RANBP17: variants seen among roughly 807,000 people sequenced by gnomAD.
RANBP17 encodes the protein RAN binding protein 17.
RANBP17 carries 158 observed loss-of-function variants against 141.2 expected under a neutral mutation model. The observed-to-expected ratio is 1.12, with a 90% CI of 0.98 to 1.28. RANBP17 has a LOEUF of 1.28. Ranked by LOEUF, RANBP17 falls within the 50% of genes most tolerant of loss-of-function variation. RANBP17 has a pLI of 0.00. For missense variants in RANBP17, 1,438 were observed against 1,290.7 expected, an observed-to-expected ratio of 1.11 and a Z score of -1.75; for synonymous variants, 430 against 450.0, an observed-to-expected ratio of 0.96 and a Z score of 0.56.
rs1581206650 is a variant in RANBP17 at position 171,299,516 on chromosome 5, G to A, written c.*658G>A. 1 of 232,164 alleles carries A rather than the reference G, an allele frequency of 4.3e-6. No individual in the cohort carries two copies. The highest frequency in any genetic ancestry group is 8.5e-6 in the Non-Finnish European group (1 of 117,152). The allele number at this position is 232,164 out of a possible 1,614,324, so 14.4% of individuals were successfully genotyped here. ...TGGTTCAGTCTAGAAGAATTAAGCT[G>A]TGCAATTACTGCCTGCAGAGATATT... On this transcript the variant is annotated 3_prime_UTR_variant, in exon 28 of 28. Coordinates refer to ENST00000523189, the MANE Select transcript of RANBP17 (RefSeq NM_022897.5).
chr5:170,964,694 A>G (rs1351836054), intron 13 of RANBP17, among the ~76,000 whole-genome samples: 1 of 152,100 alleles, frequency 6.6e-6, no homozygotes. Flanking sequence ...GATGATTTCC[A>G]ATTTCATCCA....
intron 14 of RANBP17, among the ~76,000 whole-genome samples, chr5:171,142,392 A>G (rs904591882): frequency 6.6e-6 from 1 of 152,236 alleles, no homozygotes; most frequent in Non-Finnish European, 1.5e-5. Context: ...TTCAGTAAAT[A>G]AATGCTCTTG....
chr5:171,250,646 A>G (rs1232811402), intron 24 of RANBP17, among the ~76,000 whole-genome samples: 2 of 152,212 alleles, frequency 1.3e-5, no homozygotes, highest in Non-Finnish European at 2.9e-5. Flanking sequence ...AGAAGGAAAA[A>G]GATAATCCAC....
At chr5:171,164,267 T>C (rs976256621) in intron 14 of RANBP17, among the ~76,000 whole-genome samples, 2 of 152,210 alleles carry the variant, frequency 1.3e-5, no homozygotes, top group Admixed American at 6.5e-5. Flanking sequence ...CTCAGAGTTA[T>C]AACCAGAATG....
chr5:171,064,432 T>C (rs149363873), intron 14 of RANBP17, among the ~76,000 whole-genome samples: 78 of 152,396 alleles, frequency 5.1e-4, no homozygotes, highest in Non-Finnish European at 9.4e-4. Flanking sequence ...CATATGTTTT[T>C]ACATAATTAA....
intron 14 of RANBP17, among the ~76,000 whole-genome samples, chr5:171,099,201 G>T (rs1338338096): frequency 6.6e-6 from 1 of 152,082 alleles, no homozygotes; most frequent in Non-Finnish European, 1.5e-5. Flanking sequence ...AAATTACTTT[G>T]GGCAGTATGG....
chr5:170,998,606 T>C (rs979047979), intron 14 of RANBP17, among the ~76,000 whole-genome samples: 1 of 152,204 alleles, frequency 6.6e-6, no homozygotes, highest in Non-Finnish European at 1.5e-5. Flanking sequence ...TGTTGAAGTT[T>C]GTTAGGCATT....
At position 171,299,822 on chromosome 5, in the gene RANBP17, C is replaced by G. The variant is rs1769021311; in HGVS notation, c.*964C>G. ...CCCAAACCCAGAACATGAAGAAGAC[C>G]TTTACAGTTTGTGCTCTACTGTTAC... On this transcript the variant is annotated 3_prime_UTR_variant, in exon 28 of 28. Transcript: ENST00000523189. 1 of 222,644 alleles carries G rather than the reference C, an allele frequency of 4.5e-6. No homozygotes were observed. Among genetic ancestry groups the G allele is most frequent in the African/African-American group, 2.2e-5 (1 of 44,788 alleles). 13.8% of individuals were successfully genotyped at this position (222,644 alleles called of 1,614,324 possible).
intron 14 of RANBP17, chr5:170,968,715 G>T (rs1480939956): frequency 4.3e-6 from 2 of 459,900 alleles, no homozygotes; most frequent in Non-Finnish European, 8.7e-6. Flanking sequence ...AGGGTTTTTT[G>T]GACACTTATT....
At chr5:171,091,859 C>T (rs1322576864) in intron 14 of RANBP17, among the ~76,000 whole-genome samples, 1 of 152,106 alleles carries the variant, frequency 6.6e-6, no homozygotes, top group Non-Finnish European at 1.5e-5. Context: ...GTCCAGTAAA[C>T]TTCTTTCTTT....
chr5:171,225,094 T>C (rs893573699), intron 22 of RANBP17, among the ~76,000 whole-genome samples: 2 of 152,298 alleles, frequency 1.3e-5, no homozygotes, highest in African/African-American at 4.8e-5. Context: ...TTAAAAAAAA[T>C]TGCCAAATAT....
At chr5:171,094,226 C>T (rs1364778144) in intron 14 of RANBP17, among the ~76,000 whole-genome samples, 1 of 152,054 alleles carries the variant, frequency 6.6e-6, no homozygotes, top group Non-Finnish European at 1.5e-5. Context: ...GGGGTAGGGT[C>T]TAATGGTGGC....
intron 24 of RANBP17, among the ~76,000 whole-genome samples, chr5:171,247,522 C>T (rs1765280147): frequency 6.6e-6 from 1 of 152,126 alleles, no homozygotes; most frequent in Admixed American, 6.5e-5. Flanking sequence ...AAAGTTGAAT[C>T]AGTGATAGAG....
chr5:171,250,307 CACACAAG>C (rs1187667033), intron 24 of RANBP17, among the ~76,000 whole-genome samples: 1 of 152,162 alleles, frequency 6.6e-6, no homozygotes, highest in African/African-American at 2.4e-5. Context: ...ATCATGAAAA[CACACAAG>C]AGTTTAAAAT....
intron 14 of RANBP17, among the ~76,000 whole-genome samples, chr5:171,019,377 C>T (rs753213031): frequency 1.3e-5 from 2 of 151,984 alleles, no homozygotes; most frequent in Non-Finnish European, 2.9e-5. Flanking sequence ...ACTGTGAATC[C>T]GTCTGGTTCT....
chr5:171,261,152 A>G (rs1214196123), intron 24 of RANBP17, among the ~76,000 whole-genome samples: 1 of 139,840 alleles, frequency 7.2e-6, no homozygotes, highest in Non-Finnish European at 1.5e-5. Context: ...TTGGTGTTTA[A>G]TGGATTGAAA....
intron 25 of RANBP17, among the ~76,000 whole-genome samples, chr5:171,278,473 T>C (rs1767666615): frequency 6.6e-6 from 1 of 152,050 alleles, no homozygotes; most frequent in African/African-American, 2.4e-5. Context: ...GAGGCGCCAT[T>C]GCACTCCAGC....
intron 14 of RANBP17, among the ~76,000 whole-genome samples, chr5:170,971,097 AATTATTC>A (rs1264589064): frequency 6.6e-6 from 1 of 152,190 alleles, no homozygotes; most frequent in Non-Finnish European, 1.5e-5. Flanking sequence ...ACTTGAGTGA[AATTATTC>A]AGCAGTTATA....
intron 14 of RANBP17, among the ~76,000 whole-genome samples, chr5:171,069,571 C>T (rs1260621006): frequency 6.6e-6 from 1 of 152,184 alleles, no homozygotes; most frequent in Non-Finnish European, 1.5e-5. Flanking sequence ...TAAATTAAAA[C>T]CATACTTAGT....
Sources: allele counts gnomAD v4.1 joint callset (sites outside exome capture counted in the v4.1 genomes callset), GRCh38; gene constraint gnomAD v4.1.1; transcripts MANE v1.5; gene names NCBI Gene and HGNC (gene_info 2026-07-23, HGNC 2026-07-21).